ADGRL3: variants seen among roughly 807,000 people sequenced by gnomAD.
ADGRL3 encodes adhesion G protein-coupled receptor L3.
ADGRL3 carries 62 observed loss-of-function variants against 153.5 expected under a neutral mutation model. The ratio of observed to expected loss-of-function variants is 0.40; its 90% CI spans 0.33 to 0.50. ADGRL3 has a LOEUF of 0.50. ADGRL3 is among the 20% of genes least tolerant of loss of function. The pLI is 0.47. For synonymous variants in ADGRL3, 710 were observed against 672.5 expected (o/e 1.06, Z -0.86); for missense variants, 1,641 against 1,859.4 (o/e 0.88, Z 2.16).
chr4:61,600,124 A>G (rs1021838984), intron 5 of ADGRL3, among the ~76,000 whole-genome samples: 7 of 152,000 alleles, frequency 4.6e-5, no homozygotes, highest in African/African-American at 1.7e-4. Flanking sequence ...CCTGGCCAAC[A>G]TGATGAAACC....
At chr4:61,755,967 C>G (rs2096824708) in intron 8 of ADGRL3, among the ~76,000 whole-genome samples, 1 of 152,058 alleles carries the variant, frequency 6.6e-6, no homozygotes, top group Admixed American at 6.5e-5. Flanking sequence ...CTGTTCTGTT[C>G]CATTGATCTA....
In ADGRL3 at chr4:61,383,104, A is replaced by G. The variant is rs549426889; in HGVS notation, c.-239-20A>G. On this transcript the variant is annotated intron_variant, in intron 1 of 26. Coordinates refer to ENST00000683033, the MANE Select transcript of ADGRL3 (RefSeq NM_001387552.1). ...AATTTTTCTCATAATCAAATTAAAT[A>G]TTTTTTTCTTTTTTTTCAGAAATGT... The G allele has an allele frequency of 1.1e-4, 16 of 151,792 alleles. No homozygotes were observed. In the South Asian group the frequency reaches 3.3e-3, roughly 31 times the overall value. 9.4% of individuals were successfully genotyped at this position (151,792 alleles called of 1,614,324 possible).
chr4:61,481,252 A>G (rs1239624060), intron 2 of ADGRL3, among the ~76,000 whole-genome samples: 1 of 152,216 alleles, frequency 6.6e-6, no homozygotes, highest in African/African-American at 2.4e-5. Flanking sequence ...TGCAGTGAAT[A>G]TAGAACAGAA....
chr4:62,042,131 TAC>T (rs1321983526), intron 24 of ADGRL3, among the ~76,000 whole-genome samples: 1 of 152,040 alleles, frequency 6.6e-6, no homozygotes, highest in Admixed American at 6.6e-5. Flanking sequence ...ATAATATACA[TAC>T]ACTATGTATG....
chr4:62,026,830 T>G (rs1181937679), intron 21 of ADGRL3, among the ~76,000 whole-genome samples: 3 of 151,914 alleles, frequency 2.0e-5, no homozygotes, highest in African/African-American at 4.8e-5. Flanking sequence ...AACAAAAAAT[T>G]GATAACTATG....
chr4:61,395,861 G>A (rs1016844134), intron 2 of ADGRL3, among the ~76,000 whole-genome samples: 1 of 151,824 alleles, frequency 6.6e-6, no homozygotes, highest in East Asian at 1.9e-4. Flanking sequence ...GATATGGAGG[G>A]GAATAGCTGA....
At chr4:61,737,587 C>T (rs1353696940) in intron 8 of ADGRL3, among the ~76,000 whole-genome samples, 2 of 152,132 alleles carry the variant, frequency 1.3e-5, no homozygotes, top group African/African-American at 4.8e-5. Context: ...ACTCCAACCT[C>T]AGAAGATTAT....
At chr4:61,341,990 T>G (rs2151151437) in intron 1 of ADGRL3, among the ~76,000 whole-genome samples, 1 of 152,322 alleles carries the variant, frequency 6.6e-6, no homozygotes, top group South Asian at 2.1e-4. Flanking sequence ...AGCTTGATAT[T>G]TTCAGATAAA....
At chr4:61,339,719 T>C (rs1482697152) in intron 1 of ADGRL3, among the ~76,000 whole-genome samples, 7 of 152,202 alleles carry the variant, frequency 4.6e-5, no homozygotes, top group Admixed American at 1.3e-4. Context: ...CTACATAGCC[T>C]TGTAACTAAA....
chr4:61,262,691 A>G (rs1424540943), intron 1 of ADGRL3, among the ~76,000 whole-genome samples: 1 of 152,134 alleles, frequency 6.6e-6, no homozygotes, highest in African/African-American at 2.4e-5. Flanking sequence ...CAGAAAAAAG[A>G]AAAAGAAAAC....
At chr4:62,069,938 A>G (rs1280876672) in intron 26 of ADGRL3, among the ~76,000 whole-genome samples, 171 bp from the exon 27 acceptor site, 4 of 152,206 alleles carry the variant, frequency 2.6e-5, no homozygotes, top group South Asian at 4.1e-4. Context: ...AATTATACAC[A>G]TATATAGATT....
intron 17 of ADGRL3, among the ~76,000 whole-genome samples, chr4:61,970,951 G>T (rs191363798): frequency 1.3e-5 from 2 of 151,882 alleles, no homozygotes; most frequent in Non-Finnish European, 2.9e-5. Flanking sequence ...ACGTTTATCC[G>T]AAAATAGGCT....
At chr4:61,353,074 G>C (rs1199317959) in intron 1 of ADGRL3, among the ~76,000 whole-genome samples, 1 of 152,120 alleles carries the variant, frequency 6.6e-6, no homozygotes, top group Non-Finnish European at 1.5e-5. Flanking sequence ...AGGGAGACAG[G>C]CCCAAGAATT....
chr4:61,879,626 A>C (rs2098497481), intron 9 of ADGRL3, among the ~76,000 whole-genome samples: 2 of 152,172 alleles, frequency 1.3e-5, no homozygotes, highest in African/African-American at 4.8e-5. Context: ...CTTCACATGC[A>C]CTTGTGGAAA....
intron 1 of ADGRL3, among the ~76,000 whole-genome samples, chr4:61,343,300 C>T (rs1043509299): frequency 2.6e-5 from 4 of 152,170 alleles, no homozygotes; most frequent in Non-Finnish European, 5.9e-5. Flanking sequence ...TCTTCCAACT[C>T]GCTTTCTCAG....
intron 1 of ADGRL3, among the ~76,000 whole-genome samples, chr4:61,204,277 G>A (rs1736132425): frequency 6.6e-6 from 1 of 152,064 alleles, no homozygotes; most frequent in Non-Finnish European, 1.5e-5. Context: ...ATTGCTAATG[G>A]CCATCACCCT....
In ADGRL3 at chr4:61,302,585, A is replaced by G. The variant is rs560917067; in HGVS notation, c.-239-80539A>G. 2.6e-5 allele frequency among the ~76,000 whole-genome samples: 4 copies of G among 152,184 alleles called. No individual in the cohort carries two copies. In the East Asian group the frequency reaches 7.7e-4, roughly 29 times the overall value. ...TTTTTAAAGATTTAACTTCACTCCT[A>G]AAGTTTTGTGATATTTTGATTATTC... On this transcript the variant is annotated intron_variant, in intron 1 of 26. Transcript: ENST00000683033.
chr4:61,941,214 T>G (rs2150230938), intron 15 of ADGRL3, among the ~76,000 whole-genome samples: 2 of 116,328 alleles, frequency 1.7e-5, no homozygotes, highest in South Asian at 7.7e-4. Context: ...CTTGTTTTTC[T>G]CAGGTTTGTG....
intron 9 of ADGRL3, among the ~76,000 whole-genome samples, chr4:61,840,020 A>G (rs2098004249): frequency 6.6e-6 from 1 of 152,080 alleles, no homozygotes; most frequent in African/African-American, 2.4e-5. Context: ...TGATGTACAT[A>G]GAATAATCTT....
Sources: allele counts gnomAD v4.1 joint callset (sites outside exome capture counted in the v4.1 genomes callset), GRCh38; gene constraint gnomAD v4.1.1; transcripts MANE v1.5; gene names NCBI Gene and HGNC (gene_info 2026-07-23, HGNC 2026-07-21).